ADAMTSL4: variants seen among roughly 807,000 people sequenced by gnomAD.
The protein encoded by ADAMTSL4 is ADAMTS like 4.
ADAMTSL4 carries 97 observed loss-of-function variants against 122.8 expected under a neutral mutation model. The ratio of observed to expected loss-of-function variants is 0.79; its 90% CI spans 0.67 to 0.93. The LOEUF (loss-of-function observed/expected upper bound fraction) is 0.93, where lower values mean the gene tolerates loss of function less well. ADAMTSL4 is among the 40% of genes least tolerant of loss of function. The pLI, the probability that ADAMTSL4 is intolerant of heterozygous loss-of-function variation, is 0.00. For synonymous variants in ADAMTSL4, 592 were observed against 568.0 expected (o/e 1.04, Z -0.60); for missense variants, 1,408 against 1,453.5 (o/e 0.97, Z 0.51).
intron 15 of ADAMTSL4, 155 bp downstream of exon 15, chr1:150,558,804 G>A (rs1289379043): frequency 1.1e-5 from 17 of 1,543,228 alleles, no homozygotes; most frequent in African/African-American, 1.4e-5. Flanking sequence ...CAACTTCCAT[G>A]AGGGGCCCGG....
chr1:150,555,499 A>G lies in ADAMTSL4; in HGVS notation c.1305A>G (p.Glu435=), dbSNP rs1671936537. The part of the protein sequence containing the change: ...RGFRFYVRHT[E]KVQDGTLCQP... ...TCCGCTTCTATGTCCGTCACACTGA[A>G]AAGGTCCAGGATGGGACCCTGTGTC... is the stretch of plus-strand genomic sequence containing the variant. The change falls in exon 8 of 19, where the codon GAA becomes GAG. Residue 435 remains glutamate (E), a synonymous_variant. Coordinates refer to ENST00000271643, the MANE Select transcript of ADAMTSL4 (RefSeq NM_019032.6). 1 of 1,614,064 alleles carries G rather than the reference A, an allele frequency of 6.2e-7. No homozygotes were observed. Among genetic ancestry groups the G allele is most frequent in the African/African-American group, 1.3e-5 (1 of 74,944 alleles).
Position 150,554,990 on chromosome 1 carries a change from CTT to C in ADAMTSL4, c.1235-425_1235-424del, listed in dbSNP as rs771126937. 6.4e-5 allele frequency among the ~76,000 whole-genome samples: 9 copies of C among 140,486 alleles called. No individual in the cohort carries two copies. Among genetic ancestry groups the C allele is most frequent in the Middle Eastern group, 3.7e-3 (1 of 272 alleles). 92.2% of individuals were successfully genotyped at this position (140,486 alleles called of 152,430 possible). Reference sequence around the variant, plus strand: ...CGGTGACCTCAACTGACCTGACCACCTTTTTTTTTTTTTTTCTGAGACAGAGT... The same window carrying C: ...CGGTGACCTCAACTGACCTGACCACCTTTTTTTTTTTTTCTGAGACAGAGT... On this transcript the variant is annotated intron_variant, in intron 7 of 18. Transcript: ENST00000271643. The surrounding 1 kb of genome is among the most constrained non-coding windows in gnomAD (Gnocchi z 4.0).
chr1:150,557,407 T>C, intron 12 of ADAMTSL4, 72 bp downstream of exon 12: 3 of 1,605,594 alleles, frequency 1.9e-6, no homozygotes, highest in Admixed American at 1.7e-5. Flanking sequence ...TCCTGGATTG[T>C]GGGGCCACGC....
intron 2 of ADAMTSL4, chr1:150,551,273 C>T (rs1671380775): frequency 2.9e-6 from 1 of 345,130 alleles, no homozygotes; most frequent in African/African-American, 2.1e-5. Flanking sequence ...TGAACCAACT[C>T]CAGATGCTGG....
intron 8 of ADAMTSL4, 170 bp from the exon 9 acceptor site, chr1:150,555,992 C>G (rs938254189): frequency 1.4e-6 from 1 of 696,138 alleles, no homozygotes; most frequent in East Asian, 2.7e-5. Context: ...AGGATCTGAT[C>G]GGGCACCTGT....
In ADAMTSL4 at chr1:150,556,472, C is replaced by T; in HGVS notation, c.1576+106C>T. On this transcript the variant is annotated intron_variant, in intron 9 of 18. Coordinates refer to ENST00000271643, the MANE Select transcript of ADAMTSL4 (RefSeq NM_019032.6). The surrounding 1 kb of genome is among the most constrained non-coding windows in gnomAD (Gnocchi z 4.1). Reference sequence around the variant, plus strand: ...AACAGGGGGAAGTCCAGGGCCTAGCCCCTCCCCTCGTGGAAGGAGTGAGGA... The same window carrying T: ...AACAGGGGGAAGTCCAGGGCCTAGCTCCTCCCCTCGTGGAAGGAGTGAGGA... The T allele has an allele frequency of 6.4e-7, 1 of 1,567,936 alleles. No individual in the cohort carries two copies. Among genetic ancestry groups the T allele is most frequent in the Non-Finnish European group, 8.7e-7 (1 of 1,144,466 alleles).
chr1:150,550,522 G>GTCGCCGTAA, intron 2 of ADAMTSL4: 1 of 369,756 alleles, frequency 2.7e-6, no homozygotes, highest in Non-Finnish European at 5.4e-6. Context: ...GATCTCGGTG[G>GTCGCCGTAA]CAGAGAGAAG....
Position 150,560,158 on chromosome 1 carries a change from G to A in ADAMTSL4, c.3187G>A (p.Ala1063Thr), listed in dbSNP as rs767940971. Reference sequence around the variant, plus strand: ...CACAGCCACCTGTTGCCGCTCTTGCGCACATGTCCTGGAGCGGTCTCCCCA... The same window carrying A: ...CACAGCCACCTGTTGCCGCTCTTGCACACATGTCCTGGAGCGGTCTCCCCA... ...YYTATCCRSC[A>T]HVLERSPQDP... Residue 1063 changes from alanine (A) to threonine (T), a missense_variant, in exon 19 of 19, where the codon GCA (alanine) becomes ACA (threonine). By Grantham distance (58) the Ala-to-Thr change is moderately conservative (BLOSUM62 0). Coordinates refer to ENST00000271643, the MANE Select transcript of ADAMTSL4 (RefSeq NM_019032.6). 3.7e-6 allele frequency: 6 copies of A among 1,613,960 alleles called. No homozygotes were observed. Among genetic ancestry groups the A allele is most frequent in the Admixed American group, 3.3e-5 (2 of 60,004 alleles).
rs375427068 is a variant in ADAMTSL4 at position 150,557,798 on chromosome 1, C to A, written c.2178-147C>A. 0.089 allele frequency: 118,554 copies of A among 1,325,064 alleles called. 6,312 individuals carry two copies. Among genetic ancestry groups the A allele is most frequent in the East Asian group, 0.24 (9,651 of 39,546 alleles). The allele number at this position is 1,325,064 out of a possible 1,614,324, so 82.1% of individuals were successfully genotyped here. ...CAAGAAAGCCATGGCAGGCTGAGCC[C>A]CCCAGGAACCCAGACTCCAAACGCC... On this transcript the variant is annotated intron_variant, in intron 13 of 18. Transcript: ENST00000271643.
rs766204338 is a variant in ADAMTSL4, at chr1:150,557,014, C to T, written c.1825C>T (p.Pro609Ser). ...TTCACCTCCTCCAATCCTTGAGAAC[C>T]CCACCCCAGAGCCCCCTGTCCCCCA... ...ISSPPPILENPTPEPPVPQLQ... is the reference protein window; with the variant it reads ...ISSPPPILENSTPEPPVPQLQ... The change falls in exon 11 of 19, where the codon CCC (proline) becomes TCC (serine). Residue 609 changes from proline to serine, a missense_variant. Coordinates refer to ENST00000271643, the MANE Select transcript of ADAMTSL4 (RefSeq NM_019032.6). 6.2e-7 allele frequency: 1 copy of T among 1,614,048 alleles called. No individual in the cohort carries two copies. Among genetic ancestry groups the T allele is most frequent in the Non-Finnish European group, 8.5e-7 (1 of 1,179,982 alleles).
intron 2 of ADAMTSL4, chr1:150,551,207 C>A: frequency 2.8e-6 from 1 of 353,592 alleles, no homozygotes; most frequent in Non-Finnish European, 5.6e-6. Flanking sequence ...GCCCCGGCTG[C>A]ACCTCTCCTT....
Position 150,559,479 on chromosome 1 carries a change from C to T in ADAMTSL4, c.2943+13C>T, listed in dbSNP as rs1403517665. On this transcript the variant is annotated intron_variant, in intron 17 of 18. Transcript: ENST00000271643. This position sits in a 1 kb window ranked among gnomAD's most constrained non-coding sequence, Gnocchi z 4.1. ...GCCCTGGAGCCCAGTGAGTGTCTGG[C>T]TGCGCTGTCCTGCCCTGCTCAGCCT... The T allele has an allele frequency of 1.9e-6, 3 of 1,612,530 alleles. No individual in the cohort carries two copies. Among genetic ancestry groups the T allele is most frequent in the Non-Finnish European group, 1.7e-6 (2 of 1,179,970 alleles).
chr1:150,550,088 G>T, intron 2 of ADAMTSL4, 193 bp downstream of exon 2: 1 of 371,566 alleles, frequency 2.7e-6, no homozygotes, highest in Non-Finnish European at 5.4e-6. Context: ...GGAGACCTGG[G>T]GGTGAAGGGG....
chr1:150,555,080 C>T (rs1671884840), intron 7 of ADAMTSL4, among the ~76,000 whole-genome samples: 1 of 151,660 alleles, frequency 6.6e-6, no homozygotes, highest in South Asian at 2.1e-4. Context: ...ACCTCTGCTT[C>T]CTGGGTTCAA....
At position 150,560,206 on chromosome 1, in the gene ADAMTSL4, G is replaced by A. The variant is rs755324904; in HGVS notation, c.*10G>A. ...CCAGGATCCCTCCTGAAAGGGGTCCGGGGCACCTTCACGGTTTTCTGTGCC... is the reference window on the plus strand; with the variant it reads ...CCAGGATCCCTCCTGAAAGGGGTCCAGGGCACCTTCACGGTTTTCTGTGCC... On this transcript the variant is annotated 3_prime_UTR_variant, in exon 19 of 19. Coordinates refer to ENST00000271643, the MANE Select transcript of ADAMTSL4 (RefSeq NM_019032.6). 48 of 1,613,584 alleles carry A rather than the reference G, an allele frequency of 3.0e-5. No homozygotes were observed. The highest frequency in any genetic ancestry group is 8.8e-5 in the South Asian group (8 of 91,082).
chr1:150,553,795 C>T lies in ADAMTSL4; in HGVS notation c.804C>T (p.Ser268=). 1 of 1,614,076 alleles carries T rather than the reference C, an allele frequency of 6.2e-7. No individual in the cohort carries two copies. The highest frequency in any genetic ancestry group is 2.2e-5 in the East Asian group (1 of 44,854). Residue 268 remains serine, a synonymous_variant, in exon 6 of 19, where the codon TCC becomes TCT. Coordinates refer to ENST00000271643, the MANE Select transcript of ADAMTSL4 (RefSeq NM_019032.6). ...CAGAGCCCCCCTCACCCACGCACTC[C>T]TTAGGAGAAGGTGGCTTCTTCCGTG... The part of the protein sequence containing the change: ...SGTEPPSPTH[S]LGEGGFFRAS...
Position 150,558,057 on chromosome 1 carries a change from G to A in ADAMTSL4, c.2290G>A (p.Glu764Lys), listed in dbSNP as rs752816231. The change falls in exon 14 of 19, where the codon GAG (glutamate) becomes AAG (lysine). Residue 764 changes from glutamate to lysine, a missense_variant. Transcript: ENST00000271643. ...FGGGGSSVPPERCGHLPRPNI... is the reference protein window; with the variant it reads ...FGGGGSSVPPKRCGHLPRPNI... ...GGGGGGTGGCTCCTCGGTGCCCCCGGAGCGCTGTGGACATCTCCCCCGGCC... is the reference window on the plus strand; with the variant it reads ...GGGGGGTGGCTCCTCGGTGCCCCCGAAGCGCTGTGGACATCTCCCCCGGCC... The A allele has an allele frequency of 6.2e-7, 1 of 1,613,060 alleles. No individual in the cohort carries two copies.
chr1:150,558,937 C>T, intron 15 of ADAMTSL4, 25 bp from the exon 16 acceptor site: 4 of 1,584,220 alleles, frequency 2.5e-6, no homozygotes, highest in Non-Finnish European at 3.4e-6. Flanking sequence ...AGGCCCCTCA[C>T]ACAGGCCGCT....
Position 150,554,574 on chromosome 1 carries a change from C to T in ADAMTSL4, c.1234+107C>T. The T allele has an allele frequency of 6.4e-7, 1 of 1,558,362 alleles. No homozygotes were observed. Among genetic ancestry groups the T allele is most frequent in the Non-Finnish European group, 8.7e-7 (1 of 1,150,970 alleles). On this transcript the variant is annotated intron_variant, in intron 7 of 18. Transcript: ENST00000271643. This position sits in a 1 kb window ranked among gnomAD's most constrained non-coding sequence, Gnocchi z 4.0. ...CCCTGAATGACTTCCAGCCCCTCTG[C>T]TTCCCCTGCGCCATGCCTTCTTTCT...
Sources: allele counts gnomAD v4.1 joint callset (sites outside exome capture counted in the v4.1 genomes callset), GRCh38; gene constraint gnomAD v4.1.1; non-coding constraint Gnocchi (gnomAD v3.1); transcripts MANE v1.5; gene names NCBI Gene and HGNC (gene_info 2026-07-23, HGNC 2026-07-21).